The following CASZ1 variants were observed in gnomAD, a reference collection of about 807,000 sequenced individuals.
CASZ1 encodes the protein zinc finger protein castor homolog 1.
A neutral mutation model predicts 135.2 loss-of-function variants in CASZ1; 28 were observed. The ratio of observed to expected loss-of-function variants is 0.21; its 90% CI spans 0.15 to 0.28. CASZ1 has a LOEUF of 0.28. Ranked by LOEUF, CASZ1 falls within the 10% of genes least tolerant of loss-of-function variation. CASZ1 has a pLI of 1.00. For missense variants in CASZ1, 2,161 were observed against 2,453.3 expected (o/e 0.88, Z 2.52); for synonymous variants, 1,068 against 1,073.4 (o/e 0.99, Z 0.10).
At chr1:10,651,401 G>A (rs938791029) in intron 11 of CASZ1, 6 of 227,716 alleles carry the variant, frequency 2.6e-5, no homozygotes, top group Middle Eastern at 1.4e-3. Flanking sequence ...TGGGGCTGCC[G>A]CTTAGGCTTT....
chr1:10,754,748 C>T (rs767484565), intron 2 of CASZ1, among the ~76,000 whole-genome samples: 2 of 152,210 alleles, frequency 1.3e-5, no homozygotes, highest in Middle Eastern at 3.2e-3. Flanking sequence ...GCTGCCCGGG[C>T]CCAGCTCAGC....
intron 2 of CASZ1, among the ~76,000 whole-genome samples, chr1:10,750,137 C>G (rs933310182): frequency 6.6e-6 from 1 of 152,106 alleles, no homozygotes; most frequent in African/African-American, 2.4e-5. Flanking sequence ...CCCTGGCACA[C>G]GTGTGGCCCA....
At chr1:10,704,775 C>A (rs1471427912) in intron 3 of CASZ1, among the ~76,000 whole-genome samples, 2 of 152,254 alleles carry the variant, frequency 1.3e-5, no homozygotes, top group Non-Finnish European at 2.9e-5. Context: ...CACTGGCGTT[C>A]CACCGGTCAC....
intron 4 of CASZ1, among the ~76,000 whole-genome samples, chr1:10,674,697 A>G (rs1260249975): frequency 6.6e-6 from 1 of 152,204 alleles, no homozygotes; most frequent in Non-Finnish European, 1.5e-5. Context: ...AGCCGGGAGC[A>G]CTGCTTCCTG....
chr1:10,651,102 G>A (rs200980171), intron 11 of CASZ1, 26 bp from the exon 12 acceptor site: 65 of 1,473,342 alleles, frequency 4.4e-5, no homozygotes, highest in Non-Finnish European at 5.3e-5. Context: ...GGGAAGATGC[G>A]TCAGAGGGGC....
In CASZ1 at chr1:10,788,180, A is replaced by G. The variant is rs752171172; in HGVS notation, c.-234+8384T>C. On this transcript the variant is annotated intron_variant, in intron 1 of 20. Transcript: ENST00000377022. This position sits in a 1 kb window ranked among gnomAD's most constrained non-coding sequence, Gnocchi z 4.1. ...AGGGGATGTATCCATTACTGTGGAT[A>G]GGGGAACCGGGAGAGCTGCCTTTGG... Among the ~76,000 whole-genome samples, 1 of 152,188 alleles carries G rather than the reference A, an allele frequency of 6.6e-6. No individual in the cohort carries two copies. Among genetic ancestry groups the G allele is most frequent in the African/African-American group, 2.4e-5 (1 of 41,464 alleles).
chr1:10,644,578 ACTC>A (rs1469640334), intron 18 of CASZ1, among the ~76,000 whole-genome samples: 6 of 152,160 alleles, frequency 3.9e-5, no homozygotes, highest in African/African-American at 1.2e-4. Flanking sequence ...AGAACGTTGA[ACTC>A]CTAAAAATTC....
Position 10,654,368 on chromosome 1 carries a change from C to T in CASZ1, c.1838+51G>A, listed in dbSNP as rs552714850. 2.4e-5 allele frequency: 38 copies of T among 1,596,296 alleles called. No homozygotes were observed. In the Admixed American group the frequency reaches 4.6e-4, roughly 19 times the overall value. On this transcript the variant is annotated intron_variant, in intron 10 of 20. Coordinates refer to ENST00000377022, the MANE Select transcript of CASZ1 (RefSeq NM_001079843.3). ...GCCGTCCCACGAGCCTGGGTCCTTG[C>T]CTTCCCTCCCCGCTTCTGCCCACGA...
chr1:10,702,355 A>G (rs1639079154), intron 3 of CASZ1, among the ~76,000 whole-genome samples: 1 of 152,180 alleles, frequency 6.6e-6, no homozygotes, highest in Non-Finnish European at 1.5e-5. Flanking sequence ...TGAAGGTCAG[A>G]GATCTCAGAC....
intron 4 of CASZ1, among the ~76,000 whole-genome samples, chr1:10,685,392 C>T (rs762349248): frequency 3.3e-5 from 5 of 152,224 alleles, no homozygotes; most frequent in Non-Finnish European, 4.4e-5. Flanking sequence ...GCTGGGGCCT[C>T]GGTAGCGTGT....
intron 13 of CASZ1, 126 bp downstream of exon 13, chr1:10,650,566 T>G: frequency 1.3e-6 from 1 of 748,124 alleles, no homozygotes; most frequent in Middle Eastern, 2.4e-4. Context: ...GCCTCAAAAT[T>G]TAAATGGTAC....
At position 10,707,390 on chromosome 1, in the gene CASZ1, C is replaced by T. The variant is rs1381909809; in HGVS notation, c.-76-1846G>A. ...CCCCTGTTTTCTGACAACAAGGGAG[C>T]GCGGGAGACCGGAGCGCTGAACCCA... On this transcript the variant is annotated intron_variant, in intron 2 of 20. Coordinates refer to ENST00000377022, the MANE Select transcript of CASZ1 (RefSeq NM_001079843.3). The surrounding 1 kb of genome is among the most constrained non-coding windows in gnomAD (Gnocchi z 5.0). 6.6e-6 allele frequency among the ~76,000 whole-genome samples: 1 copy of T among 152,180 alleles called. No individual in the cohort carries two copies. The highest frequency in any genetic ancestry group is 1.5e-5 in the Non-Finnish European group (1 of 68,048).
chr1:10,764,395 CT>C (rs1444081534), intron 1 of CASZ1, among the ~76,000 whole-genome samples: 1 of 152,276 alleles, frequency 6.6e-6, no homozygotes, highest in Non-Finnish European at 1.5e-5. Context: ...CCTCTGCCCC[CT>C]GCCAATAGGC....
At chr1:10,674,374 C>T (rs1005991258) in intron 4 of CASZ1, among the ~76,000 whole-genome samples, 2 of 152,374 alleles carry the variant, frequency 1.3e-5, no homozygotes, top group South Asian at 2.1e-4. Flanking sequence ...CACCAGCCGA[C>T]GCAGACAGTC....
intron 1 of CASZ1, among the ~76,000 whole-genome samples, chr1:10,765,900 C>G (rs1640466666): frequency 6.6e-6 from 1 of 152,178 alleles, no homozygotes; most frequent in African/African-American, 2.4e-5. Context: ...TCCACCCCTC[C>G]CCCACTTTAA....
intron 12 of CASZ1, 71 bp downstream of exon 12, chr1:10,650,870 G>A (rs1364468300): frequency 1.9e-5 from 31 of 1,604,980 alleles, no homozygotes; most frequent in Admixed American, 8.5e-5. Flanking sequence ...CTGCCTGGGC[G>A]GGACCACCCC....
intron 20 of CASZ1, among the ~76,000 whole-genome samples, chr1:10,640,376 A>C (rs761613332): frequency 6.6e-6 from 1 of 152,234 alleles, no homozygotes; most frequent in East Asian, 1.9e-4. Context: ...AAGTGAGGAC[A>C]CGTCCTGGCG....
intron 5 of CASZ1, among the ~76,000 whole-genome samples, chr1:10,662,915 C>T (rs983982279): frequency 7.9e-5 from 12 of 152,184 alleles, no homozygotes; most frequent in Non-Finnish European, 7.3e-5. Flanking sequence ...GCTGTTCTTG[C>T]GGACCCACCT....
At position 10,660,277 on chromosome 1, in the gene CASZ1, C is replaced by T. The variant is rs138201584; in HGVS notation, c.765G>A (p.Pro255=). Residue 255 remains proline, a synonymous_variant, in exon 6 of 21, where the codon CCG becomes CCA. Coordinates refer to ENST00000377022, the MANE Select transcript of CASZ1 (RefSeq NM_001079843.3). ...GCTCCTCGGTCTTGGTGCTGGGGGCCGGCCAGGAGAGCTGCTCGCCAGCCT... is the reference window on the plus strand; with the variant it reads ...GCTCCTCGGTCTTGGTGCTGGGGGCTGGCCAGGAGAGCTGCTCGCCAGCCT... ...KLKAGEQLSW[P]APSTKTEERV... The T allele has an allele frequency of 9.5e-5, 154 of 1,613,914 alleles. 1 individual carries two copies. In the African/African-American group the frequency reaches 1.5e-3, roughly 16 times the overall value.
Sources: gnomAD v4.1 joint callset for allele counts (sites outside exome capture counted in the v4.1 genomes callset) on GRCh38, gnomAD v4.1.1 for gene constraint, Gnocchi (gnomAD v3.1) non-coding constraint, MANE v1.5 for transcripts, NCBI Gene and HGNC (gene_info 2026-07-23, HGNC 2026-07-21) for gene names.